The following PTPRN2 variants were observed in gnomAD, a reference collection of about 807,000 sequenced individuals.
PTPRN2 encodes the protein receptor-type tyrosine-protein phosphatase N2.
Under a neutral mutation model 118.8 loss-of-function variants are expected in PTPRN2, and 74 were observed. That is an observed-to-expected ratio of 0.62 (90% CI 0.52 to 0.76). The LOEUF (loss-of-function observed/expected upper bound fraction) is 0.76. Ranked by LOEUF, PTPRN2 falls within the 30% of genes least tolerant of loss-of-function variation. PTPRN2 has a pLI of 0.00. For synonymous variants in PTPRN2, 641 were observed against 608.0 expected (o/e 1.05, Z -0.80); for missense variants, 1,481 against 1,394.4 (o/e 1.06, Z -0.99).
At chr7:157,857,170 C>CGCTGGATGGGGAGGGAGGGGGAT in intron 12 of PTPRN2, 1 of 89,296 alleles carries the variant, frequency 1.1e-5, no homozygotes, top group African/African-American at 4.4e-5. Flanking sequence ...GGGAGGGGGA[C>CGCTGGATGGGGAGGGAGGGGGAT]GCTGGAAGGG....
At chr7:158,229,131 G>T (rs1304739471) in intron 3 of PTPRN2, among the ~76,000 whole-genome samples, 2 of 151,888 alleles carry the variant, frequency 1.3e-5, no homozygotes, top group East Asian at 3.9e-4. Flanking sequence ...AGTACAGGCA[G>T]CACTCAGATC....
At chr7:157,754,767 G>A (rs1427872788) in intron 12 of PTPRN2, among the ~76,000 whole-genome samples, 5 of 152,252 alleles carry the variant, frequency 3.3e-5, no homozygotes, top group South Asian at 2.1e-4. Context: ...GCCACGTCAA[G>A]TTGGTCATTT....
At chr7:158,374,141 C>T (rs189910864) in intron 2 of PTPRN2, among the ~76,000 whole-genome samples, 1 of 152,286 alleles carries the variant, frequency 6.6e-6, no homozygotes, top group African/African-American at 2.4e-5. Flanking sequence ...CTTACCATCC[C>T]CACCGCAAAC....
intron 3 of PTPRN2, among the ~76,000 whole-genome samples, chr7:158,281,164 T>A (rs1799399794): frequency 6.6e-6 from 1 of 152,144 alleles, no homozygotes; most frequent in South Asian, 2.1e-4. Context: ...TTAGCCGCGC[T>A]TATAATCCCA....
intron 11 of PTPRN2, among the ~76,000 whole-genome samples, chr7:157,904,904 G>A (rs192685649): frequency 1.8e-4 from 27 of 152,272 alleles, no homozygotes; most frequent in African/African-American, 4.8e-4. Flanking sequence ...CCTCAAATAT[G>A]CCTAAAAGGA....
At chr7:158,370,569 G>A (rs888100103) in intron 2 of PTPRN2, among the ~76,000 whole-genome samples, 3 of 152,114 alleles carry the variant, frequency 2.0e-5, no homozygotes, top group Non-Finnish European at 4.4e-5. Context: ...TGGCCAACAC[G>A]GTGAAACCCC....
At chr7:158,060,279 C>G (rs1406544529) in intron 11 of PTPRN2, among the ~76,000 whole-genome samples, 1 of 135,914 alleles carries the variant, frequency 7.4e-6, no homozygotes, top group Admixed American at 7.0e-5. Flanking sequence ...CATCTGCACA[C>G]AGTGACACAT....
intron 11 of PTPRN2, among the ~76,000 whole-genome samples, chr7:157,980,268 ATC>A (rs565852265): frequency 1.8e-4 from 27 of 152,366 alleles, no homozygotes; most frequent in Middle Eastern, 6.8e-3. Flanking sequence ...GTAATTCAGT[ATC>A]TCTGCATCTG....
At chr7:157,792,947 CTT>C (rs1393954052) in intron 12 of PTPRN2, among the ~76,000 whole-genome samples, 2 of 152,228 alleles carry the variant, frequency 1.3e-5, no homozygotes, top group African/African-American at 2.4e-5. Context: ...AAACTCATCT[CTT>C]TTTCTAAAGT....
At chr7:158,152,651 A>T (rs1585655256) in intron 6 of PTPRN2, among the ~76,000 whole-genome samples, 1 of 152,172 alleles carries the variant, frequency 6.6e-6, no homozygotes, top group African/African-American at 2.4e-5. Context: ...TCACCACCAA[A>T]TGCTGCATTT....
At chr7:158,542,172 A>G (rs1197346979) in intron 1 of PTPRN2, among the ~76,000 whole-genome samples, 3 of 152,140 alleles carry the variant, frequency 2.0e-5, no homozygotes, top group Non-Finnish European at 1.5e-5. Flanking sequence ...TTTGTTTGAG[A>G]TGGAGTCTTG....
intron 2 of PTPRN2, among the ~76,000 whole-genome samples, chr7:158,406,741 C>T (rs1178106501): frequency 6.6e-6 from 1 of 152,240 alleles, no homozygotes; most frequent in African/African-American, 2.4e-5. Context: ...TGGCTGACTG[C>T]CTCCTGGATA....
chr7:158,141,575 T>A (rs1488935313), intron 6 of PTPRN2, among the ~76,000 whole-genome samples: 1 of 152,234 alleles, frequency 6.6e-6, no homozygotes, highest in Non-Finnish European at 1.5e-5. Context: ...TGCCCATTAA[T>A]TGAAGCTGGT....
At chr7:157,565,311 C>T (rs1199870052) in intron 21 of PTPRN2, among the ~76,000 whole-genome samples, 1 of 152,246 alleles carries the variant, frequency 6.6e-6, no homozygotes, top group Non-Finnish European at 1.5e-5. Context: ...AAGGTCGCTC[C>T]AGCATGGGCT....
intron 2 of PTPRN2, among the ~76,000 whole-genome samples, chr7:158,418,752 T>G (rs936752050): frequency 1.3e-5 from 2 of 152,156 alleles, no homozygotes. Flanking sequence ...TACATCAAGA[T>G]GCTGTAGCTC....
chr7:158,414,205 G>A (rs1297045149), intron 2 of PTPRN2, among the ~76,000 whole-genome samples: 5 of 151,860 alleles, frequency 3.3e-5, no homozygotes, highest in South Asian at 2.1e-4. Flanking sequence ...GCTCAACCCC[G>A]AACGGCCCAT....
chr7:157,933,695 T>C (rs1325321500), intron 11 of PTPRN2, among the ~76,000 whole-genome samples: 10 of 149,356 alleles, frequency 6.7e-5, no homozygotes, highest in African/African-American at 1.2e-4. Flanking sequence ...GGTGAGTCAC[T>C]CTGATTGACA....
Position 157,691,045 on chromosome 7 carries a change from G to A in PTPRN2, c.1789-8108C>T, listed in dbSNP as rs1797461921. ...CGGCGGCGGCGCGGCTCGCGGCCCA[G>A]CCACCGGTTGCTATAGCGATGTCCC... On this transcript the variant is annotated intron_variant, in intron 12 of 22. Transcript: ENST00000389418. 5.2e-5 allele frequency among the ~76,000 whole-genome samples: 7 copies of A among 134,250 alleles called. No individual in the cohort carries two copies. In the South Asian group the frequency reaches 1.4e-3, roughly 27 times the overall value. 88.1% of individuals were successfully genotyped at this position (134,250 alleles called of 152,430 possible).
At chr7:157,762,060 G>A (rs1802164256) in intron 12 of PTPRN2, among the ~76,000 whole-genome samples, 1 of 152,074 alleles carries the variant, frequency 6.6e-6, no homozygotes, top group Non-Finnish European at 1.5e-5. Flanking sequence ...TCTCACACCA[G>A]TTAGAATGGC....
Sources: gnomAD v4.1 joint callset for allele counts (sites outside exome capture counted in the v4.1 genomes callset) on GRCh38, gnomAD v4.1.1 for gene constraint, MANE v1.5 for transcripts, NCBI Gene and HGNC (gene_info 2026-07-23, HGNC 2026-07-21) for gene names.